The following ZNF112 variants were observed in gnomAD, a reference collection of about 807,000 sequenced individuals.
ZNF112 encodes zinc finger protein 112.
In ZNF112, 37 loss-of-function variants were observed where a neutral mutation model predicts 77.7. The observed-to-expected ratio is 0.48, with a 90% CI of 0.37 to 0.63. The LOEUF (loss-of-function observed/expected upper bound fraction) is 0.63, where lower values mean the gene tolerates loss of function less well. ZNF112 is among the 20% of genes least tolerant of loss of function. ZNF112 has a pLI of 0.00. For missense variants in ZNF112, 950 were observed against 1,077.4 expected, an observed-to-expected ratio of 0.88 and a Z score of 1.66; for synonymous variants, 333 against 363.6, an observed-to-expected ratio of 0.92 and a Z score of 0.96.
intron 1 of ZNF112, among the ~76,000 whole-genome samples, chr19:44,350,498 TG>T (rs1255925291): frequency 1.3e-5 from 2 of 152,078 alleles, no homozygotes; most frequent in African/African-American, 4.8e-5. Context: ...TAGCTTTAGC[TG>T]CAGACTTGAT....
chr19:44,340,904 T>C (rs1298381505), intron 1 of ZNF112, among the ~76,000 whole-genome samples: 1 of 152,220 alleles, frequency 6.6e-6, no homozygotes, highest in Admixed American at 6.5e-5. Flanking sequence ...ACATCACTTA[T>C]TTAATTTGTC....
chr19:44,334,478 C>G (rs897848305), intron 3 of ZNF112, among the ~76,000 whole-genome samples: 3 of 152,190 alleles, frequency 2.0e-5, no homozygotes, highest in African/African-American at 7.2e-5. Context: ...TAAAGAGGAG[C>G]TGAATGTTAA....
Position 44,329,500 on chromosome 19 carries a change from T to A in ZNF112, c.657A>T (p.Val219=), listed in dbSNP as rs1970224332. ...GGCAGCTGTAGTTTTCTTTTCTGTGTACTTCCAGTTTATCATTGTGATGTG... is the reference window on the plus strand; with the variant it reads ...GGCAGCTGTAGTTTTCTTTTCTGTGAACTTCCAGTTTATCATTGTGATGTG... The part of the protein sequence containing the change: ...WLSHHNDKLE[V]HRKENYSCHD... The change falls in exon 4 of 4, where the codon GTA becomes GTT. Residue 219 remains valine (V), a synonymous_variant. Coordinates refer to ENST00000354340, the MANE Select transcript of ZNF112 (RefSeq NM_013380.4). The A allele has an allele frequency of 6.2e-7, 1 of 1,614,046 alleles. No individual in the cohort carries two copies. The highest frequency in any genetic ancestry group is 1.3e-5 in the African/African-American group (1 of 74,936).
rs755609582 is a variant in ZNF112, at chr19:44,340,475, A to G, written c.65T>C (p.Val22Ala). Reference protein sequence around the residue: ...TEEELGLLDSVQRKLYRDVML... With the variant: ...TEEELGLLDSAQRKLYRDVML... The stretch of plus-strand genomic sequence containing the variant: ...CACATCTCGGTACAGCTTCCTCTGG[A>G]CAGAGTCCAGCAGCCCCAGCTCCTC... Residue 22 changes from valine to alanine, a missense_variant, in exon 2 of 4, where the codon GTC (valine) becomes GCC (alanine). This residue lies in a region of ZNF112 where 17 missense variants were observed against 37.3 expected (regional missense o/e 0.46). Coordinates refer to ENST00000354340, the MANE Select transcript of ZNF112 (RefSeq NM_013380.4). 1.2e-6 allele frequency: 2 copies of G among 1,613,894 alleles called. No individual in the cohort carries two copies. The highest frequency in any genetic ancestry group is 1.7e-6 in the Non-Finnish European group (2 of 1,179,960).
In ZNF112 at chr19:44,339,113, A is replaced by C. The variant is rs147624172; in HGVS notation, c.124+1303T>G. ...GCTTTATGGATAAAATCACAGCATAAATGATAGATAAGATAAAAACATTAT... is the reference window on the plus strand; with the variant it reads ...GCTTTATGGATAAAATCACAGCATACATGATAGATAAGATAAAAACATTAT... On this transcript the variant is annotated intron_variant, in intron 2 of 3. Coordinates refer to ENST00000354340, the MANE Select transcript of ZNF112 (RefSeq NM_013380.4). Among the ~76,000 whole-genome samples, 329 of 152,304 alleles carry C rather than the reference A, an allele frequency of 2.2e-3. 1 individual carries two copies. The highest frequency in any genetic ancestry group is 7.1e-3 in the African/African-American group (294 of 41,566).
At position 44,327,886 on chromosome 19, in the gene ZNF112, G is replaced by T. The variant is rs1350295374; in HGVS notation, c.2271C>A (p.Arg757=). 6.2e-7 allele frequency: 1 copy of T among 1,612,970 alleles called. No individual in the cohort carries two copies. The highest frequency in any genetic ancestry group is 8.5e-7 in the Non-Finnish European group (1 of 1,179,778). ...MCGKGFSQSS[R]LEAHRRVHTG... ...TGTGAACCCTCCGATGTGCTTCAAG[G>T]CGCGAACTCTGACTAAAGCCCTTCC... The change falls in exon 4 of 4, where the codon CGC becomes CGA. Residue 757 remains arginine, a synonymous_variant. Transcript: ENST00000354340.
chr19:44,334,944 T>C (rs188579285), intron 3 of ZNF112, among the ~76,000 whole-genome samples: 18 of 152,314 alleles, frequency 1.2e-4, no homozygotes, highest in East Asian at 1.2e-3. Flanking sequence ...CACTGAGGCA[T>C]TGCCTAGTGG....
chr19:44,330,829 A>T (rs892595), intron 3 of ZNF112, among the ~76,000 whole-genome samples: 108,868 of 152,178 alleles, frequency 0.72, 39,144 homozygotes, highest in Admixed American at 0.78. Flanking sequence ...TGTTCTTAAA[A>T]CTGGAAAAAT....
At chr19:44,338,392 C>T (rs930412421) in intron 2 of ZNF112, among the ~76,000 whole-genome samples, 4 of 152,030 alleles carry the variant, frequency 2.6e-5, no homozygotes, top group African/African-American at 9.7e-5. Flanking sequence ...CTTGTGTTAC[C>T]CGATGATTAC....
intron 1 of ZNF112, among the ~76,000 whole-genome samples, chr19:44,365,513 A>C (rs1303359629): frequency 6.6e-6 from 1 of 151,476 alleles, no homozygotes; most frequent in Non-Finnish European, 1.5e-5. Flanking sequence ...AATTGTATAC[A>C]CACACACACA....
intron 1 of ZNF112, among the ~76,000 whole-genome samples, chr19:44,349,646 G>C (rs1158544154): frequency 6.6e-6 from 1 of 151,978 alleles, no homozygotes; most frequent in Non-Finnish European, 1.5e-5. Context: ...TAATGAAAAT[G>C]AGGTAGCAAC....
At chr19:44,365,085 C>T (rs1970890358) in intron 1 of ZNF112, among the ~76,000 whole-genome samples, 1 of 152,106 alleles carries the variant, frequency 6.6e-6, no homozygotes, top group East Asian at 1.9e-4. Context: ...GTAGAATCCA[C>T]CAATGAATTA....
upstream of ZNF112, among the ~76,000 whole-genome samples, chr19:44,357,975 A>G (rs1427737147): frequency 6.6e-6 from 1 of 151,782 alleles, no homozygotes; most frequent in Non-Finnish European, 1.5e-5. Flanking sequence ...ACATGGTGAA[A>G]CCCCGTCTCT....
upstream of ZNF112, among the ~76,000 whole-genome samples, chr19:44,359,315 C>CT (rs767955186): frequency 0.065 from 3,549 of 54,854 alleles, 1,110 homozygotes; most frequent in Non-Finnish European, 0.088. Context: ...TATTAGAGTT[C>CT]TTTTTTTTTT....
At chr19:44,339,611 C>A (rs1373901193) in intron 2 of ZNF112, among the ~76,000 whole-genome samples, 1 of 152,216 alleles carries the variant, frequency 6.6e-6, no homozygotes, top group East Asian at 1.9e-4. Flanking sequence ...CGCTCCTGGA[C>A]TCTGCCTCCT....
rs1356715075 is a variant in ZNF112 at position 44,326,648 on chromosome 19, G to A, written c.*785C>T. 1 of 152,130 alleles carries A rather than the reference G, an allele frequency of 6.6e-6. No individual in the cohort carries two copies. Among genetic ancestry groups the A allele is most frequent in the African/African-American group, 2.4e-5 (1 of 41,426 alleles). The allele number at this position is 152,130 out of a possible 1,614,324, so 9.4% of individuals were successfully genotyped here. The stretch of plus-strand genomic sequence containing the variant: ...AGTAAAACTCTGCCTTAATTCACAG[G>A]GCAGGAGTAGAAAATCAATTATGTA... On this transcript the variant is annotated 3_prime_UTR_variant, in exon 4 of 4. Coordinates refer to ENST00000354340, the MANE Select transcript of ZNF112 (RefSeq NM_013380.4).
upstream of ZNF112, among the ~76,000 whole-genome samples, chr19:44,361,537 A>C (rs1270669990): frequency 6.6e-6 from 1 of 152,228 alleles, no homozygotes; most frequent in Non-Finnish European, 1.5e-5. Flanking sequence ...AATGGAAAGC[A>C]GCCAGTCTGT....
At chr19:44,351,812 C>A (rs1216988708) in intron 1 of ZNF112, among the ~76,000 whole-genome samples, 1 of 151,756 alleles carries the variant, frequency 6.6e-6, no homozygotes, top group African/African-American at 2.4e-5. Flanking sequence ...CACAAATTAC[C>A]AAAATCAAGA....
At chr19:44,343,153 G>T in intron 1 of ZNF112, 1 of 1,328,848 alleles carries the variant, frequency 7.5e-7, no homozygotes, top group Non-Finnish European at 1.0e-6. Flanking sequence ...CTAAATGCCT[G>T]TTGTCATTCT....
Sources: gnomAD v4.1 joint callset for allele counts (sites outside exome capture counted in the v4.1 genomes callset) on GRCh38, gnomAD v4.1.1 for gene constraint, gnomAD v4.1.1 regional missense constraint, MANE v1.5 for transcripts, NCBI Gene and HGNC (gene_info 2026-07-23, HGNC 2026-07-21) for gene names.